UST: variants seen among roughly 807,000 people sequenced by gnomAD.
The protein encoded by UST is uronyl 2-sulfotransferase.
UST carries 21 observed loss-of-function variants against 45.6 expected under a neutral mutation model. The ratio of observed to expected loss-of-function variants is 0.46; its 90% CI spans 0.33 to 0.66. The LOEUF (loss-of-function observed/expected upper bound fraction) is 0.66, where lower values mean the gene tolerates loss of function less well. Ranked by LOEUF, UST falls within the 30% of genes least tolerant of loss-of-function variation. UST has a pLI of 0.02. For synonymous variants in UST, 215 were observed against 200.6 expected, an observed-to-expected ratio of 1.07 and a Z score of -0.61; for missense variants, 463 against 512.4, an observed-to-expected ratio of 0.90 and a Z score of 0.93.
At chr6:148,922,185 T>C (rs913858886) in intron 2 of UST, among the ~76,000 whole-genome samples, 2 of 152,180 alleles carry the variant, frequency 1.3e-5, no homozygotes, top group Non-Finnish European at 2.9e-5. Flanking sequence ...ATTACCACTG[T>C]CCAATTCAAA....
chr6:148,857,387 C>T (rs774428562), intron 1 of UST, among the ~76,000 whole-genome samples: 2 of 152,170 alleles, frequency 1.3e-5, no homozygotes, highest in East Asian at 1.9e-4. Flanking sequence ...TAAGGCACAG[C>T]GAATGTATTA....
At chr6:148,909,361 T>A (rs999348601) in intron 2 of UST, among the ~76,000 whole-genome samples, 4 of 152,226 alleles carry the variant, frequency 2.6e-5, no homozygotes, top group Non-Finnish European at 1.5e-5. Flanking sequence ...TATAGAGAGA[T>A]GCCCGTGCGC....
intron 1 of UST, among the ~76,000 whole-genome samples, chr6:148,876,985 TG>T (rs1778668310): frequency 2.2e-5 from 1 of 46,046 alleles, no homozygotes; most frequent in African/African-American, 1.1e-4. Flanking sequence ...CATGTATGAG[TG>T]TGGGGGGTCA....
intron 1 of UST, among the ~76,000 whole-genome samples, chr6:148,785,282 A>G (rs554523118): frequency 2.0e-5 from 3 of 152,146 alleles, no homozygotes; most frequent in African/African-American, 7.2e-5. Context: ...GTCACACTTC[A>G]TGTTATGTAT....
chr6:149,058,884 G>A (rs1776610711), intron 7 of UST, among the ~76,000 whole-genome samples: 1 of 152,098 alleles, frequency 6.6e-6, no homozygotes, highest in South Asian at 2.1e-4. Flanking sequence ...GGTAAAAACT[G>A]TGCTGAGGAA....
At chr6:148,894,291 A>G (rs1237956799) in intron 2 of UST, among the ~76,000 whole-genome samples, 1 of 152,212 alleles carries the variant, frequency 6.6e-6, no homozygotes, top group Non-Finnish European at 1.5e-5. Flanking sequence ...AGAATCTGTG[A>G]GTGGGATCCT....
Position 148,964,466 on chromosome 6 carries a change from T to G in UST, c.584T>G (p.Phe195Cys), listed in dbSNP as rs370623836. 6.2e-7 allele frequency: 1 copy of G among 1,614,202 alleles called. No homozygotes were observed. The highest frequency in any genetic ancestry group is 1.3e-5 in the African/African-American group (1 of 75,060). The change falls in exon 5 of 8, where the codon TTC becomes TGC. Residue 195 changes from phenylalanine (F) to cysteine (C), a missense_variant. This residue lies in a region of UST where 287 missense variants were observed against 374.2 expected (regional missense o/e 0.77). Transcript: ENST00000367463. Reference protein sequence around the residue: ...INIIRDPVNRFLSNYFFRRFG... With the variant: ...INIIRDPVNRCLSNYFFRRFG... The stretch of plus-strand genomic sequence containing the variant: ...ATCATTAGAGACCCCGTCAACCGGT[T>G]CTTATCCAACTATTTTTTCCGTCGC...
intron 1 of UST, among the ~76,000 whole-genome samples, chr6:148,765,022 T>C (rs921199851): frequency 4.6e-5 from 7 of 152,194 alleles, no homozygotes; most frequent in Admixed American, 2.0e-4. Flanking sequence ...CCCAACGCTG[T>C]TAATTATTAA....
At position 148,854,245 on chromosome 6, in the gene UST, C is replaced by T. The variant is rs115026526; in HGVS notation, c.248-32741C>T. Among the ~76,000 whole-genome samples, 307 of 152,284 alleles carry T rather than the reference C, an allele frequency of 2.0e-3. 1 individual carries two copies. Among genetic ancestry groups the T allele is most frequent in the African/African-American group, 7.2e-3 (300 of 41,568 alleles). ...ACCTGTCCCTGTACCGCTGAGCCCACGCTGTAGGATCTTGGAATTGGGGCG... is the reference window on the plus strand; with the variant it reads ...ACCTGTCCCTGTACCGCTGAGCCCATGCTGTAGGATCTTGGAATTGGGGCG... On this transcript the variant is annotated intron_variant, in intron 1 of 7. Transcript: ENST00000367463.
chr6:148,958,726 C>T (rs1210263688), intron 4 of UST, among the ~76,000 whole-genome samples: 2 of 152,124 alleles, frequency 1.3e-5, no homozygotes, highest in African/African-American at 2.4e-5. Context: ...TCCCCTGCCC[C>T]CAATTTTGTT....
At chr6:149,027,544 CA>C in intron 7 of UST, among the ~76,000 whole-genome samples, 1 of 152,294 alleles carries the variant, frequency 6.6e-6, no homozygotes, top group East Asian at 1.9e-4. Flanking sequence ...TTTACCCCCT[CA>C]AAAATATTCC....
intron 3 of UST, among the ~76,000 whole-genome samples, chr6:148,946,202 A>G (rs1000148692): frequency 1.3e-5 from 2 of 152,132 alleles, no homozygotes; most frequent in Non-Finnish European, 2.9e-5. Flanking sequence ...GGCATGGTTA[A>G]TCGGGCCTCT....
intron 7 of UST, among the ~76,000 whole-genome samples, chr6:149,071,353 T>G (rs1229596481): frequency 6.6e-6 from 1 of 152,236 alleles, no homozygotes; most frequent in Non-Finnish European, 1.5e-5. Context: ...CATTTGGAAC[T>G]GTATTTAGTA....
chr6:148,971,179 A>G (rs986450230), intron 5 of UST, among the ~76,000 whole-genome samples: 2 of 151,952 alleles, frequency 1.3e-5, no homozygotes, highest in Non-Finnish European at 2.9e-5. Flanking sequence ...GCACCAAACC[A>G]TGGCTTTCCT....
intron 7 of UST, among the ~76,000 whole-genome samples, chr6:149,067,272 G>T (rs2115044960): frequency 6.6e-6 from 1 of 152,244 alleles, no homozygotes; most frequent in South Asian, 2.1e-4. Flanking sequence ...TTTAGGGGAG[G>T]TGACTGAAGG....
At chr6:148,809,591 G>C (rs1008304771) in intron 1 of UST, among the ~76,000 whole-genome samples, 2 of 152,206 alleles carry the variant, frequency 1.3e-5, no homozygotes, top group African/African-American at 4.8e-5. Context: ...ACTGGGAAGG[G>C]TATTTGGAAA....
chr6:148,888,520 T>C (rs959283240), intron 2 of UST, among the ~76,000 whole-genome samples: 25 of 152,350 alleles, frequency 1.6e-4, no homozygotes, highest in African/African-American at 5.3e-4. Flanking sequence ...AATTACTTAA[T>C]ATTTTGAGCC....
Position 148,756,646 on chromosome 6 carries a change from TGTAA to T in UST, c.247+8973_247+8976del, listed in dbSNP as rs575296399. ...ATTCCAATTAGGATCTCTAAACTCC[TGTAA>T]GTATTTGTTTATTTCATGATCTCTT... On this transcript the variant is annotated intron_variant, in intron 1 of 7. Transcript: ENST00000367463. 8.2e-4 allele frequency among the ~76,000 whole-genome samples: 125 copies of T among 152,374 alleles called. 1 individual carries two copies. The highest frequency in any genetic ancestry group is 2.8e-3 in the African/African-American group (116 of 41,586).
chr6:148,775,908 G>A (rs1582803923), intron 1 of UST, among the ~76,000 whole-genome samples: 1 of 152,126 alleles, frequency 6.6e-6, no homozygotes, highest in East Asian at 1.9e-4. Flanking sequence ...CTGGGATTAC[G>A]GGTGTGAGCC....
Sources: allele counts gnomAD v4.1 joint callset (sites outside exome capture counted in the v4.1 genomes callset), GRCh38; gene constraint gnomAD v4.1.1; regional missense constraint gnomAD v4.1.1; transcripts MANE v1.5; gene names NCBI Gene and HGNC (gene_info 2026-07-23, HGNC 2026-07-21).